PDZD7: variants seen among roughly 807,000 people sequenced by gnomAD.
PDZD7 encodes PDZ domain containing 7.
A neutral mutation model predicts 84.7 loss-of-function variants in PDZD7; 72 were observed. That is an observed-to-expected ratio of 0.85 (90% CI 0.70 to 1.03). The LOEUF is 1.03. PDZD7 is among the 50% of genes least tolerant of loss of function. The probability of loss-of-function intolerance (pLI) is 0.00; values close to 1 mark genes in which losing one functional copy is unlikely to be tolerated. For missense variants in PDZD7, 1,490 were observed against 1,412.9 expected (o/e 1.05, Z -0.87); for synonymous variants, 594 against 580.7 (o/e 1.02, Z -0.33).
In PDZD7 at chr10:101,020,686, G is replaced by A; in HGVS notation, c.868-8C>T. The A allele has an allele frequency of 1.2e-6, 2 of 1,612,172 alleles. No homozygotes were observed. Among genetic ancestry groups the A allele is most frequent in the East Asian group, 2.2e-5 (1 of 44,870 alleles). On this transcript the variant is annotated splice_region_variant and splice_polypyrimidine_tract_variant and intron_variant, in intron 6 of 16. Coordinates refer to ENST00000619208, the MANE Select transcript of PDZD7 (RefSeq NM_001195263.2). ...AGGATACCGGCCGGTCTCCTGGGGAGGGGATGGTGGGCATAGGAGGGAAGG... is the reference window on the plus strand; with the variant it reads ...AGGATACCGGCCGGTCTCCTGGGGAAGGGATGGTGGGCATAGGAGGGAAGG...
Position 101,008,788 on chromosome 10 carries a change from T to C in PDZD7, c.2781A>G (p.Ala927=), listed in dbSNP as rs1852298934. 6.5e-7 allele frequency: 1 copy of C among 1,531,352 alleles called. No individual in the cohort carries two copies. Among genetic ancestry groups the C allele is most frequent in the Non-Finnish European group, 8.7e-7 (1 of 1,143,284 alleles). 94.9% of individuals were successfully genotyped at this position (1,531,352 alleles called of 1,614,324 possible). ...GATAAGCCCGACGGATGGTGTCTACTGCACGCTGGTGGGTCACCTGCTCTA... is the reference window on the plus strand; with the variant it reads ...GATAAGCCCGACGGATGGTGTCTACCGCACGCTGGTGGGTCACCTGCTCTA... ...ENLEQVTHQR[A]VDTIRRAYRN... The change falls in exon 17 of 17, where the codon GCA becomes GCG. Residue 927 remains alanine (A), a synonymous_variant. Transcript: ENST00000619208.
At position 101,017,704 on chromosome 10, in the gene PDZD7, T is replaced by C. The variant is rs10786615; in HGVS notation, c.1522+395A>G. 378,989 of 668,182 alleles carry C rather than the reference T, an allele frequency of 0.57. 111,782 individuals carry two copies. Among genetic ancestry groups the C allele is most frequent in the African/African-American group, 0.77 (42,954 of 55,762 alleles). 41.4% of individuals were successfully genotyped at this position (668,182 alleles called of 1,614,324 possible). A position where few individuals can be genotyped will look rare whatever the true frequency, so the allele number is the denominator to read the frequency against. On this transcript the variant is annotated intron_variant, in intron 9 of 16. Coordinates refer to ENST00000619208, the MANE Select transcript of PDZD7 (RefSeq NM_001195263.2). ...GGGAGGCTGAGGTGGGAGGATCGCT[T>C]GAGCGTGGGAGGCGCAGGTCGCAGT...
In PDZD7 at chr10:101,019,187, G is replaced by C. The variant is rs749847307; in HGVS notation, c.959C>G (p.Pro320Arg). The C allele has an allele frequency of 6.5e-7, 1 of 1,536,070 alleles. No homozygotes were observed. The highest frequency in any genetic ancestry group is 8.7e-7 in the Non-Finnish European group (1 of 1,146,998). Residue 320 changes from proline to arginine, a missense_variant, in exon 8 of 17, where the codon CCG becomes CGG. By Grantham distance (103) the Pro-to-Arg change is moderately radical. Coordinates refer to ENST00000619208, the MANE Select transcript of PDZD7 (RefSeq NM_001195263.2). ...GACGCTGGAGCTGCTCTCAGAGGCCGGGGACAGCTGCTGCAGCACCCCGTT... is the reference window on the plus strand; with the variant it reads ...GACGCTGGAGCTGCTCTCAGAGGCCCGGGACAGCTGCTGCAGCACCCCGTT... ...LSNGVLQQLSPASESSSSVSS... is the reference protein window; with the variant it reads ...LSNGVLQQLSRASESSSSVSS...
Position 101,022,400 on chromosome 10 carries a change from G to A in PDZD7, c.543-15C>T, listed in dbSNP as rs767988413. The A allele has an allele frequency of 7.4e-6, 12 of 1,613,614 alleles. No homozygotes were observed. Among genetic ancestry groups the A allele is most frequent in the Non-Finnish European group, 9.3e-6 (11 of 1,179,986 alleles). ...CCACATCCACCCTGGACAACAGCAG[G>A]GGGCCCTCAGGTGGGGTCCTCCATC... is the stretch of plus-strand genomic sequence containing the variant. On this transcript the variant is annotated splice_polypyrimidine_tract_variant and intron_variant, in intron 4 of 16. Coordinates refer to ENST00000619208, the MANE Select transcript of PDZD7 (RefSeq NM_001195263.2).
rs1554833261 is a variant in PDZD7, at chr10:101,010,536, T to TGCTGCA, written c.2352_2353insTGCAGC (p.Ser784_Ser785insCysSer). ...CCTGGAGACTTGCCTTGACCCCGGC[T>TGCTGCA]GCTGCGGCTGCGGCTGCGGCTACGG... On this transcript the variant is annotated inframe_insertion, in exon 15 of 17. Coordinates refer to ENST00000619208, the MANE Select transcript of PDZD7 (RefSeq NM_001195263.2). 2.6e-6 allele frequency: 4 copies of TGCTGCA among 1,523,840 alleles called. No homozygotes were observed. The highest frequency in any genetic ancestry group is 3.5e-6 in the Non-Finnish European group (4 of 1,138,522). The allele number at this position is 1,523,840 out of a possible 1,614,324, so 94.4% of individuals were successfully genotyped here.
intron 7 of PDZD7, among the ~76,000 whole-genome samples, chr10:101,019,615 CTTCT>C (rs1414668388): frequency 7.1e-6 from 1 of 141,564 alleles, no homozygotes; most frequent in Non-Finnish European, 1.5e-5. Context: ...TCCTCCTCTT[CTTCT>C]TTCTTCTTCT....
At chr10:101,030,516 G>C in intron 1 of PDZD7, 132 bp from the exon 2 acceptor site, 1 of 570,056 alleles carries the variant, frequency 1.8e-6, no homozygotes, top group South Asian at 1.9e-5. Flanking sequence ...TCTCACCCTA[G>C]GCCAGAGAAC....
chr10:101,024,599 C>T (rs1177531587), intron 2 of PDZD7, among the ~76,000 whole-genome samples: 1 of 151,730 alleles, frequency 6.6e-6, no homozygotes, highest in Non-Finnish European at 1.5e-5. Context: ...GTGAGATCAG[C>T]GGGACAGGAC....
In PDZD7 at chr10:101,015,763, G is replaced by T; in HGVS notation, c.1622C>A (p.Ser541Tyr). The T allele has an allele frequency of 6.5e-7, 1 of 1,549,944 alleles. No individual in the cohort carries two copies. The highest frequency in any genetic ancestry group is 1.4e-5 in the African/African-American group (1 of 73,144). Residue 541 changes from serine (S) to tyrosine (Y), a missense_variant, in exon 11 of 17, where the codon TCC (serine) becomes TAC (tyrosine). Ser to Tyr is a moderately radical substitution (Grantham distance 144). Transcript: ENST00000619208. ...ALLSARSGSP[S>Y]SQLPNVDEQV... ...CTCATCCACATTAGGCAGCTGGCTG[G>T]AGGGACTCCCAGACCTGGCAGACAG...
rs761148643 is a variant in PDZD7 at position 101,018,993 on chromosome 10, T to C, written c.1153A>G (p.Ser385Gly). ...DAGGRVETWC[S>G]VRPTVILRDT... Reference sequence around the variant, plus strand: ...CTGAGGATGACTGTGGGCCGCACGCTGCACCAGGTCTCCACCCGGCCTCCC... The same window carrying C: ...CTGAGGATGACTGTGGGCCGCACGCCGCACCAGGTCTCCACCCGGCCTCCC... The change falls in exon 8 of 17, where the codon AGC (serine) becomes GGC (glycine). Residue 385 changes from serine to glycine, a missense_variant. Coordinates refer to ENST00000619208, the MANE Select transcript of PDZD7 (RefSeq NM_001195263.2). 2 of 1,581,840 alleles carry C rather than the reference T, an allele frequency of 1.3e-6. No individual in the cohort carries two copies. Among genetic ancestry groups the C allele is most frequent in the South Asian group, 1.2e-5 (1 of 86,878 alleles).
intron 15 of PDZD7, among the ~76,000 whole-genome samples, chr10:101,009,684 C>G (rs968184267): frequency 1.3e-5 from 2 of 149,198 alleles, no homozygotes; most frequent in Non-Finnish European, 3.0e-5. Context: ...CTCGGCTCAC[C>G]GCAACCTCCG....
rs1554833260 is a variant in PDZD7, at chr10:101,010,536, T to TGCG, written c.2352_2353insCGC (p.Ser784_Ser785insArg). On this transcript the variant is annotated inframe_insertion, in exon 15 of 17. Transcript: ENST00000619208. The stretch of plus-strand genomic sequence containing the variant: ...CCTGGAGACTTGCCTTGACCCCGGC[T>TGCG]GCTGCGGCTGCGGCTGCGGCTACGG... The TGCG allele has an allele frequency of 2.0e-6, 3 of 1,523,780 alleles. No individual in the cohort carries two copies. The highest frequency in any genetic ancestry group is 1.8e-6 in the Non-Finnish European group (2 of 1,138,452). The allele number at this position is 1,523,780 out of a possible 1,614,324, so 94.4% of individuals were successfully genotyped here.
intron 2 of PDZD7, among the ~76,000 whole-genome samples, chr10:101,024,839 G>A (rs1036233322): frequency 2.6e-5 from 2 of 76,058 alleles, no homozygotes; most frequent in African/African-American, 3.0e-4. Context: ...CCTAATATGT[G>A]TGTGTGTGTG....
chr10:101,030,006 A>T lies in PDZD7; in HGVS notation c.214T>A (p.Ser72Thr). Reference protein sequence around the residue: ...SPMGRVILINSPIEANSDESD... With the variant: ...SPMGRVILINTPIEANSDESD... ...GTCCCGCCCCTACCTTCGATGGGGG[A>T]GTTGATGAGGATGACGCGTCCCATG... Residue 72 changes from serine to threonine, a missense_variant, in exon 2 of 17, where the codon TCC becomes ACC. Transcript: ENST00000619208. The T allele has an allele frequency of 7.6e-7, 1 of 1,314,388 alleles. No individual in the cohort carries two copies. The highest frequency in any genetic ancestry group is 1.0e-6 in the Non-Finnish European group (1 of 983,630). 81.4% of individuals were successfully genotyped at this position (1,314,388 alleles called of 1,614,324 possible).
chr10:101,008,365 A>G lies in PDZD7; in HGVS notation c.*102T>C. The stretch of plus-strand genomic sequence containing the variant: ...CACCAGTGTGGCACTGGGAGGAGGC[A>G]GGGTGGGCAGGAGCTGGAGAGTCCT... On this transcript the variant is annotated 3_prime_UTR_variant, in exon 17 of 17. Coordinates refer to ENST00000619208, the MANE Select transcript of PDZD7 (RefSeq NM_001195263.2). The G allele has an allele frequency of 8.5e-7, 1 of 1,179,740 alleles. No individual in the cohort carries two copies. The highest frequency in any genetic ancestry group is 2.6e-5 in the East Asian group (1 of 38,990). The allele number at this position is 1,179,740 out of a possible 1,614,324, so 73.1% of individuals were successfully genotyped here.
At chr10:101,029,856 G>A (rs1937974065) in intron 2 of PDZD7, 138 bp downstream of exon 2, 1 of 867,988 alleles carries the variant, frequency 1.2e-6, no homozygotes, top group Admixed American at 2.3e-5. Context: ...TGGGTTCCCA[G>A]GCGGCCTGCC....
At chr10:101,015,397 T>C (rs919806784) in intron 11 of PDZD7, among the ~76,000 whole-genome samples, 8 of 152,208 alleles carry the variant, frequency 5.3e-5, no homozygotes, top group Non-Finnish European at 8.8e-5. Flanking sequence ...CAGCTCTTCA[T>C]GTGACTCATC....
In PDZD7 at chr10:101,030,223, G is replaced by A. The variant is rs763694223; in HGVS notation, c.-4C>T. On this transcript the variant is annotated 5_prime_UTR_variant, in exon 2 of 17. Transcript: ENST00000619208. ...CCACTGCGAAACCCTGCGCCATGGC[G>A]GCTGGGCTAGGGCGGCACCCTACAG... The A allele has an allele frequency of 4.4e-6, 7 of 1,597,504 alleles. No homozygotes were observed. The East Asian group carries it at 1.6e-4, about 36-fold the overall frequency.
chr10:101,019,271 G>A (rs938967774), intron 7 of PDZD7, 54 bp from the exon 8 acceptor site: 3 of 1,532,634 alleles, frequency 2.0e-6, no homozygotes, highest in Middle Eastern at 2.0e-4. Context: ...AGCCCTGCCC[G>A]GCTTGCAGAC....
Sources: gnomAD v4.1 joint callset for allele counts (sites outside exome capture counted in the v4.1 genomes callset) on GRCh38, gnomAD v4.1.1 for gene constraint, MANE v1.5 for transcripts, NCBI Gene and HGNC (gene_info 2026-07-23, HGNC 2026-07-21) for gene names.